The following ADAM12 variants were observed in gnomAD, a reference collection of about 807,000 sequenced individuals.
ADAM12 encodes the protein disintegrin and metalloproteinase domain-containing protein 12.
Under a neutral mutation model 106.4 loss-of-function variants are expected in ADAM12, and 70 were observed. That is an observed-to-expected ratio of 0.66 (90% CI 0.54 to 0.80). ADAM12 has a LOEUF of 0.80. ADAM12 is among the 30% of genes least tolerant of loss of function. ADAM12 has a pLI of 0.00. For missense variants in ADAM12, 1,010 were observed against 1,171.9 expected (o/e 0.86, Z 2.02); for synonymous variants, 420 against 433.5 (o/e 0.97, Z 0.39).
At chr10:126,242,914 A>G (rs1331608756) in intron 3 of ADAM12, among the ~76,000 whole-genome samples, 1 of 152,146 alleles carries the variant, frequency 6.6e-6, no homozygotes, top group East Asian at 1.9e-4. Context: ...AGATTCTTCC[A>G]TTCTCCGCAT....
intron 3 of ADAM12, among the ~76,000 whole-genome samples, chr10:126,201,504 A>T (rs1035589395): frequency 6.6e-6 from 1 of 152,156 alleles, no homozygotes; most frequent in African/African-American, 2.4e-5. Context: ...GAGCCTTGGG[A>T]GGGAACGTGG....
At chr10:126,283,182 C>T (rs1287806333) in intron 2 of ADAM12, among the ~76,000 whole-genome samples, 1 of 152,124 alleles carries the variant, frequency 6.6e-6, no homozygotes, top group Admixed American at 6.6e-5. Context: ...GGAGGCGGAA[C>T]TCAGGCAGTG....
intron 3 of ADAM12, among the ~76,000 whole-genome samples, chr10:126,158,790 G>A (rs1478600368): frequency 6.8e-6 from 1 of 147,980 alleles, no homozygotes; most frequent in African/African-American, 2.5e-5. Flanking sequence ...AGCATGGAGT[G>A]GGGATGCACA....
intron 21 of ADAM12, among the ~76,000 whole-genome samples, chr10:126,025,407 ACAG>A (rs1237462691): frequency 6.6e-6 from 1 of 152,216 alleles, no homozygotes; most frequent in Non-Finnish European, 1.5e-5. Context: ...ACAAGTATTA[ACAG>A]CAGAATAGAT....
At chr10:126,301,370 A>T (rs965593864) in intron 2 of ADAM12, among the ~76,000 whole-genome samples, 1 of 152,226 alleles carries the variant, frequency 6.6e-6, no homozygotes, top group Admixed American at 6.5e-5. Flanking sequence ...TTTGAATGGA[A>T]GAAAACTTGC....
At chr10:126,200,658 T>G (rs1957681732) in intron 3 of ADAM12, among the ~76,000 whole-genome samples, 1 of 152,100 alleles carries the variant, frequency 6.6e-6, no homozygotes, top group South Asian at 2.1e-4. Context: ...CAGTGAACTC[T>G]CCAGGAACGT....
chr10:126,141,536 G>C (rs1028165997), intron 4 of ADAM12, among the ~76,000 whole-genome samples: 25 of 152,234 alleles, frequency 1.6e-4, no homozygotes, highest in African/African-American at 6.0e-4. Context: ...TCCCACTCCA[G>C]TAGAACAACT....
chr10:126,297,638 T>C (rs1960442609), intron 2 of ADAM12, among the ~76,000 whole-genome samples: 1 of 152,270 alleles, frequency 6.6e-6, no homozygotes, highest in Admixed American at 6.5e-5. Context: ...GGAGGGGTTT[T>C]GTTTCTGGTA....
intron 8 of ADAM12, among the ~76,000 whole-genome samples, chr10:126,104,911 A>C (rs1031926637): frequency 6.6e-6 from 1 of 152,222 alleles, no homozygotes; most frequent in African/African-American, 2.4e-5. Flanking sequence ...TTCTGGACTG[A>C]GACACTTTCA....
At chr10:126,315,840 A>C (rs1853842704) in intron 2 of ADAM12, among the ~76,000 whole-genome samples, 2 of 152,218 alleles carry the variant, frequency 1.3e-5, no homozygotes, top group African/African-American at 4.8e-5. Flanking sequence ...GCCCACTCTC[A>C]ATGCTCTTTA....
At chr10:126,079,285 C>G (rs943496746) in intron 11 of ADAM12, among the ~76,000 whole-genome samples, 1 of 152,116 alleles carries the variant, frequency 6.6e-6, no homozygotes, top group African/African-American at 2.4e-5. Context: ...AACTTCCCCC[C>G]ACCCCTCAAA....
intron 3 of ADAM12, among the ~76,000 whole-genome samples, chr10:126,168,531 C>A (rs1277837696): frequency 1.3e-5 from 2 of 152,074 alleles, no homozygotes; most frequent in African/African-American, 4.8e-5. Flanking sequence ...TTAATAAGTC[C>A]GCTGGCTTCC....
chr10:126,173,627 AT>A (rs552214759), intron 3 of ADAM12, among the ~76,000 whole-genome samples: 16 of 150,824 alleles, frequency 1.1e-4, no homozygotes, highest in African/African-American at 1.7e-4. Flanking sequence ...TTGAATATAG[AT>A]TTTTTTTTTA....
At chr10:126,130,531 C>T (rs1409082429) in intron 5 of ADAM12, among the ~76,000 whole-genome samples, 1 of 152,186 alleles carries the variant, frequency 6.6e-6, no homozygotes, top group Non-Finnish European at 1.5e-5. Flanking sequence ...AAGGATTTCA[C>T]AATATTCTTT....
At chr10:126,022,206 G>A (rs1196178903) in intron 21 of ADAM12, among the ~76,000 whole-genome samples, 4 of 152,080 alleles carry the variant, frequency 2.6e-5, no homozygotes, top group South Asian at 2.1e-4. Context: ...TATGTTTATC[G>A]TCCTGTTTAA....
chr10:126,254,939 C>T (rs1194865759), intron 3 of ADAM12, among the ~76,000 whole-genome samples: 2 of 152,240 alleles, frequency 1.3e-5, no homozygotes, highest in African/African-American at 4.8e-5. Context: ...TCCCTGACAT[C>T]AGTCCCCCTT....
In ADAM12 at chr10:126,066,323, G is replaced by A. The variant is rs750648737; in HGVS notation, c.1413+394C>T. Among the ~76,000 whole-genome samples, 22 of 152,212 alleles carry A rather than the reference G, an allele frequency of 1.4e-4. 1 individual carries two copies. Among genetic ancestry groups the A allele is most frequent in the African/African-American group, 2.9e-4 (12 of 41,456 alleles). On this transcript the variant is annotated intron_variant, in intron 13 of 22. Coordinates refer to ENST00000448723, the MANE Select transcript of ADAM12 (RefSeq NM_001288973.2). The surrounding 1 kb of genome is among the most constrained non-coding windows in gnomAD (Gnocchi z 5.1). ...GGGACAAGCCAGCAGGCAGATGTCC[G>A]CGGGATCAAGAAGATGAACCTGGGG...
intron 12 of ADAM12, among the ~76,000 whole-genome samples, chr10:126,069,444 A>G (rs904911714): frequency 2.0e-5 from 3 of 152,254 alleles, no homozygotes; most frequent in Admixed American, 6.5e-5. Flanking sequence ...TGGTAACTGC[A>G]TGCAAGCAGT....
intron 3 of ADAM12, among the ~76,000 whole-genome samples, chr10:126,194,310 G>A (rs983548207): frequency 6.8e-6 from 1 of 148,128 alleles, no homozygotes; most frequent in African/African-American, 2.5e-5. Flanking sequence ...AAGCTTTCTG[G>A]ACACTGTCAG....
Sources: allele counts gnomAD v4.1 joint callset (sites outside exome capture counted in the v4.1 genomes callset), GRCh38; gene constraint gnomAD v4.1.1; non-coding constraint Gnocchi (gnomAD v3.1); transcripts MANE v1.5; gene names NCBI Gene and HGNC (gene_info 2026-07-23, HGNC 2026-07-21).